Variants in RASGRF1 observed in about 807,000 individuals in gnomAD.
RASGRF1 encodes ras-specific guanine nucleotide-releasing factor 1.
RASGRF1 carries 40 observed loss-of-function variants against 138.7 expected under a neutral mutation model. That is an observed-to-expected ratio of 0.29 (90% CI 0.22 to 0.38). The LOEUF (loss-of-function observed/expected upper bound fraction) is 0.38. RASGRF1 is among the 10% of genes least tolerant of loss of function. The pLI is 1.00. For synonymous variants in RASGRF1, 614 were observed against 663.2 expected (o/e 0.93, Z 1.14); for missense variants, 1,108 against 1,650.4 (o/e 0.67, Z 5.69).
chr15:79,025,156 C>T (rs2057028440), intron 10 of RASGRF1, among the ~76,000 whole-genome samples, 158 bp downstream of exon 10: 1 of 152,218 alleles, frequency 6.6e-6, no homozygotes, highest in Admixed American at 6.5e-5. Context: ...CTCTCTCCAG[C>T]TGGCCAAACT....
At chr15:79,047,882 G>C (rs1420201634) in intron 4 of RASGRF1, among the ~76,000 whole-genome samples, 1 of 152,206 alleles carries the variant, frequency 6.6e-6, no homozygotes, top group East Asian at 1.9e-4. Flanking sequence ...AAGGACCGCT[G>C]TCTCCAAACA....
chr15:79,047,817 T>C (rs1159112941), intron 4 of RASGRF1, among the ~76,000 whole-genome samples: 2 of 152,142 alleles, frequency 1.3e-5, no homozygotes, highest in East Asian at 3.9e-4. Context: ...CGGTCCACAC[T>C]GGGAGGAAGG....
chr15:79,002,571 A>G (rs1338504088), intron 15 of RASGRF1, among the ~76,000 whole-genome samples: 4 of 152,168 alleles, frequency 2.6e-5, no homozygotes, highest in East Asian at 1.9e-4. Flanking sequence ...ATACACACAC[A>G]CACAGTTTGG....
intron 5 of RASGRF1, among the ~76,000 whole-genome samples, chr15:79,040,232 C>T (rs982976736): frequency 1.3e-5 from 2 of 152,002 alleles, no homozygotes; most frequent in African/African-American, 4.8e-5. Flanking sequence ...CACCTATCAC[C>T]CCCTCCCCCC....
chr15:78,976,881 C>G (rs8026309), intron 24 of RASGRF1, among the ~76,000 whole-genome samples: 34,884 of 152,188 alleles, frequency 0.23, 4,093 homozygotes, highest in Non-Finnish European at 0.25. Flanking sequence ...AGAGCCCTCA[C>G]GGGCCTGCAG....
chr15:79,026,733 T>A (rs2057062020), intron 9 of RASGRF1, among the ~76,000 whole-genome samples: 1 of 152,142 alleles, frequency 6.6e-6, no homozygotes, highest in Non-Finnish European at 1.5e-5. Flanking sequence ...GGAGGGGTCA[T>A]TTCTTGGGCT....
intron 1 of RASGRF1, among the ~76,000 whole-genome samples, chr15:79,080,872 T>C (rs2057905584): frequency 6.6e-6 from 1 of 152,190 alleles, no homozygotes. Flanking sequence ...TTCTGACATT[T>C]AGCAGCGAGA....
At chr15:79,035,061 G>GC (rs1485388148) in intron 6 of RASGRF1, 70 bp downstream of exon 6, 38 of 1,355,876 alleles carry the variant, frequency 2.8e-5, no homozygotes, top group Non-Finnish European at 3.7e-5. Flanking sequence ...GGACAAAACT[G>GC]CCCCAGGCTT....
intron 5 of RASGRF1, among the ~76,000 whole-genome samples, chr15:79,035,468 TC>T (rs1416731851): frequency 6.6e-6 from 1 of 152,206 alleles, no homozygotes; most frequent in Non-Finnish European, 1.5e-5. Context: ...AAGCCCAGGC[TC>T]GTCTATGCAT....
chr15:78,980,448 G>A lies in RASGRF1; in HGVS notation c.3494+172C>T, dbSNP rs548300063. On this transcript the variant is annotated intron_variant, in intron 24 of 26. Coordinates refer to ENST00000558480, the MANE Select transcript of RASGRF1 (RefSeq NM_001145648.3). The stretch of plus-strand genomic sequence containing the variant: ...AGCAAACTCTGGAGTTTCTCTGGCA[G>A]ACCATGGAGGACTCCACCATTGGGG... 1.5e-5 allele frequency: 7 copies of A among 481,542 alleles called. No individual in the cohort carries two copies. In the South Asian group the frequency reaches 3.1e-4, roughly 21 times the overall value. The allele number at this position is 481,542 out of a possible 1,614,324, so 29.8% of individuals were successfully genotyped here.
In RASGRF1 at chr15:79,006,428, G is replaced by A. The variant is rs141856364; in HGVS notation, c.1833C>T (p.Asp611=). The change falls in exon 14 of 27, where the codon GAC becomes GAT. Residue 611 remains aspartate (D), a synonymous_variant. Coordinates refer to ENST00000558480, the MANE Select transcript of RASGRF1 (RefSeq NM_001145648.3). This position sits in a 1 kb window ranked among gnomAD's most constrained non-coding sequence, Gnocchi z 4.0. ...CAACATCATCACAATATAAGGAGGC[G>A]TCGGACCTGAGAGGGGAGGAAGGAT... The part of the protein sequence containing the change: ...KVTVPQMIKS[D]ASLYCDDVDI... 336 of 1,610,852 alleles carry A rather than the reference G, an allele frequency of 2.1e-4. 2 individuals are homozygous for A. Among genetic ancestry groups the A allele is most frequent in the African/African-American group, 1.1e-4 (8 of 74,886 alleles).
chr15:79,044,606 G>T (rs913483792), intron 5 of RASGRF1, among the ~76,000 whole-genome samples: 3 of 152,178 alleles, frequency 2.0e-5, no homozygotes, highest in Non-Finnish European at 2.9e-5. Context: ...CCTATGGACT[G>T]CCTTGTATTG....
At chr15:79,081,486 A>G (rs981921665) in intron 1 of RASGRF1, among the ~76,000 whole-genome samples, 3 of 152,176 alleles carry the variant, frequency 2.0e-5, no homozygotes, top group African/African-American at 7.2e-5. Flanking sequence ...AGAGCCCTGC[A>G]CTGGCTCTGC....
At chr15:78,998,869 A>G in intron 17 of RASGRF1, 44 bp from the exon 18 acceptor site, 1 of 1,496,080 alleles carries the variant, frequency 6.7e-7, no homozygotes. Context: ...AGGTGAGGAC[A>G]AGAAACAGAG....
At chr15:79,060,151 C>CA in intron 2 of RASGRF1, among the ~76,000 whole-genome samples, 1 of 152,284 alleles carries the variant, frequency 6.6e-6, no homozygotes, top group South Asian at 2.1e-4. Context: ...CACTGCTCAA[C>CA]AAGCCTCAGC....
At chr15:79,026,888 G>A (rs893581356) in intron 9 of RASGRF1, among the ~76,000 whole-genome samples, 11 of 152,198 alleles carry the variant, frequency 7.2e-5, no homozygotes, top group African/African-American at 2.7e-4. Flanking sequence ...CAGGTCACAG[G>A]GTGGGCCTGG....
At chr15:79,035,354 G>A (rs902176956) in intron 5 of RASGRF1, 144 bp from the exon 6 acceptor site, 4 of 631,390 alleles carry the variant, frequency 6.3e-6, no homozygotes, top group African/African-American at 3.7e-5. Flanking sequence ...CCGGCAGGAT[G>A]GATCATATAA....
Position 79,046,850 on chromosome 15 carries a change from C to T in RASGRF1, c.774G>A (p.Gln258=). The change falls in exon 5 of 27, where the codon CAG becomes CAA. Residue 258 remains glutamine, a synonymous_variant. Coordinates refer to ENST00000558480, the MANE Select transcript of RASGRF1 (RefSeq NM_001145648.3). The surrounding 1 kb of genome is among the most constrained non-coding windows in gnomAD (Gnocchi z 5.3). ...MLEAEAEYVQ[Q]LHILVNNFLR... ...GGAAATTGTTGACAAGGATGTGCAGCTGCTGCACGTACTCAGCCTCAGCCT... is the reference window on the plus strand; with the variant it reads ...GGAAATTGTTGACAAGGATGTGCAGTTGCTGCACGTACTCAGCCTCAGCCT... The T allele has an allele frequency of 6.2e-7, 1 of 1,614,254 alleles. No homozygotes were observed. The highest frequency in any genetic ancestry group is 8.5e-7 in the Non-Finnish European group (1 of 1,180,050).
At position 78,983,162 on chromosome 15, in the gene RASGRF1, G is replaced by A. The variant is rs538907418; in HGVS notation, c.3414+1845C>T. On this transcript the variant is annotated intron_variant, in intron 23 of 26. Coordinates refer to ENST00000558480, the MANE Select transcript of RASGRF1 (RefSeq NM_001145648.3). ...GAATGAACTGCCTCTGGCAGATGCC[G>A]AGCAGGCCATGGCCAGGAACTTCCA... Among the ~76,000 whole-genome samples the A allele has an allele frequency of 5.3e-5, 8 of 152,356 alleles. No homozygotes were observed. In the East Asian group the frequency reaches 5.8e-4, roughly 11 times the overall value.
Sources: gnomAD v4.1 joint callset for allele counts (sites outside exome capture counted in the v4.1 genomes callset) on GRCh38, gnomAD v4.1.1 for gene constraint, Gnocchi (gnomAD v3.1) non-coding constraint, MANE v1.5 for transcripts, NCBI Gene and HGNC (gene_info 2026-07-23, HGNC 2026-07-21) for gene names.